Variants in LY9 observed in about 807,000 individuals in gnomAD.
The protein encoded by LY9 is T-lymphocyte surface antigen Ly-9.
Under a neutral mutation model 64.6 loss-of-function variants are expected in LY9, and 59 were observed. The ratio of observed to expected loss-of-function variants is 0.91; its 90% CI spans 0.74 to 1.13. The LOEUF (loss-of-function observed/expected upper bound fraction) is 1.13. Among genes scored for constraint, LY9 ranks in the 50% most tolerant of loss-of-function variants. The pLI is 0.00. For synonymous variants in LY9, 281 were observed against 308.5 expected (o/e 0.91, Z 0.93); for missense variants, 789 against 797.2 (o/e 0.99, Z 0.12).
chr1:160,801,986 GA>G, intron 2 of LY9: 1 of 1,570,072 alleles, frequency 6.4e-7, no homozygotes, highest in Non-Finnish European at 8.6e-7. Context: ...AGCAGAGCTG[GA>G]AGGGTCCTGC....
chr1:160,804,890 T>C (rs1666830177), intron 2 of LY9, among the ~76,000 whole-genome samples: 1 of 152,200 alleles, frequency 6.6e-6, no homozygotes, highest in South Asian at 2.1e-4. Flanking sequence ...TTGTTCATAA[T>C]AGTCTCTGAC....
rs1274599791 is a variant in LY9, at chr1:160,800,080, A to G, written c.452A>G (p.Tyr151Cys). Reference protein sequence around the residue: ...TTEEEFTLFVYEQLQEPQVTM... With the variant: ...TTEEEFTLFVCEQLQEPQVTM... ...GAGGAGGAATTCACCCTGTTCGTCTATGGTGAGTTCCAGAGAGCTTCTGTG... is the reference window on the plus strand; with the variant it reads ...GAGGAGGAATTCACCCTGTTCGTCTGTGGTGAGTTCCAGAGAGCTTCTGTG... The change falls in exon 2 of 10, where the codon TAT becomes TGT. Residue 151 changes from tyrosine to cysteine, a missense_variant and splice_region_variant. By Grantham distance (194) the Tyr-to-Cys change is radical. Transcript: ENST00000263285. The G allele has an allele frequency of 4.4e-6, 7 of 1,608,964 alleles. No individual in the cohort carries two copies. Among genetic ancestry groups the G allele is most frequent in the South Asian group, 2.2e-5 (2 of 90,648 alleles).
At chr1:160,809,236 C>T (rs1033781431) in intron 2 of LY9, among the ~76,000 whole-genome samples, 1 of 151,212 alleles carries the variant, frequency 6.6e-6, no homozygotes, top group Non-Finnish European at 1.5e-5. Context: ...CCTAGGCTTG[C>T]CTCCAATTCC....
rs777206997 is a variant in LY9, at chr1:160,799,906, A to G, written c.278A>G (p.Lys93Arg). The G allele has an allele frequency of 1.2e-5, 20 of 1,614,160 alleles. No homozygotes were observed. The highest frequency in any genetic ancestry group is 1.5e-5 in the Non-Finnish European group (18 of 1,180,022). ...PKNALAFARPKENVTIMVKSY... is the reference protein window; with the variant it reads ...PKNALAFARPRENVTIMVKSY... ...AATGCTCTTGCTTTCGCACGTCCCA[A>G]AGAAAATGTAACCATTATGGTCAAA... Residue 93 changes from lysine (K) to arginine (R), a missense_variant, in exon 2 of 10, where the codon AAA becomes AGA. Transcript: ENST00000263285.
intron 6 of LY9, among the ~76,000 whole-genome samples, chr1:160,818,895 C>T (rs1376455602): frequency 6.6e-6 from 1 of 152,168 alleles, no homozygotes; most frequent in African/African-American, 2.4e-5. Context: ...GTGGCTGCTG[C>T]TTGGACCAAT....
In LY9 at chr1:160,802,061, G is replaced by A. The variant is rs527427522; in HGVS notation, c.454+1979G>A. On this transcript the variant is annotated intron_variant, in intron 2 of 9. Transcript: ENST00000263285. ...AGGCTGCTAGACGTGGGCGTTAGGC[G>A]TGTCCCACCCACCCGCCGCCTCCCA... is the stretch of plus-strand genomic sequence containing the variant. 26 of 1,402,866 alleles carry A rather than the reference G, an allele frequency of 1.9e-5. No individual in the cohort carries two copies. The African/African-American group carries it at 3.2e-4, about 17-fold the overall frequency. The allele number at this position is 1,402,866 out of a possible 1,614,324, so 86.9% of individuals were successfully genotyped here. A position where few individuals can be genotyped will look rare whatever the true frequency, so the allele number is the denominator to read the frequency against.
chr1:160,826,893 A>G (rs377552324), intron 9 of LY9, among the ~76,000 whole-genome samples: 6 of 152,294 alleles, frequency 3.9e-5, no homozygotes, highest in African/African-American at 1.2e-4. Context: ...GTTTGGGTCA[A>G]TACCGGTCAA....
chr1:160,824,464 A>G (rs1668733802), intron 9 of LY9: 3 of 985,076 alleles, frequency 3.0e-6, no homozygotes, highest in Non-Finnish European at 3.6e-6. Flanking sequence ...AATTGATTTA[A>G]TAATATCTTA....
At chr1:160,825,780 G>A (rs1189156874) in intron 9 of LY9, among the ~76,000 whole-genome samples, 11 of 152,136 alleles carry the variant, frequency 7.2e-5, no homozygotes, top group Non-Finnish European at 1.5e-4. Flanking sequence ...TGTGGTGGCA[G>A]GCACCTGTAA....
rs1298394000 is a variant in LY9 at position 160,799,774 on chromosome 1, A to G, written c.146A>G (p.Asp49Gly). 1.2e-6 allele frequency: 2 copies of G among 1,613,342 alleles called. No homozygotes were observed. The highest frequency in any genetic ancestry group is 2.7e-5 in the African/African-American group (2 of 75,004). Residue 49 changes from aspartate to glycine, a missense_variant, in exon 2 of 10, where the codon GAC (aspartate) becomes GGC (glycine). By Grantham distance (94) the Asp-to-Gly change is moderately conservative. Coordinates refer to ENST00000263285, the MANE Select transcript of LY9 (RefSeq NM_002348.4). ...GCAGGACTAAGAGCCTCTGGAAAGG[A>G]CTCAGCCCCAACAGTGGTGTCAGGG... ...LLMGLRASGK[D>G]SAPTVVSGIL...
intron 8 of LY9, 113 bp from the exon 9 acceptor site, chr1:160,824,068 C>T (rs1668694640): frequency 7.4e-7 from 1 of 1,347,102 alleles, no homozygotes; most frequent in Non-Finnish European, 1.0e-6. Flanking sequence ...GCAGCTCCCA[C>T]CCTGTGTGTG....
At chr1:160,824,795 T>C (rs505728) in intron 9 of LY9, 118,048 of 256,490 alleles carry the variant, frequency 0.46, 29,295 homozygotes, top group East Asian at 0.7. Flanking sequence ...CTGGCTAACA[T>C]GGTGAAACTC....
At position 160,796,209 on chromosome 1, in the gene LY9, A is replaced by C; in HGVS notation, c.22A>C (p.Thr8Pro). The C allele has an allele frequency of 6.2e-7, 1 of 1,614,158 alleles. No individual in the cohort carries two copies. Among genetic ancestry groups the C allele is most frequent in the Non-Finnish European group, 8.5e-7 (1 of 1,180,020 alleles). Residue 8 changes from threonine (T) to proline (P), a missense_variant, in exon 1 of 10, where the codon ACA (threonine) becomes CCA (proline). Thr to Pro is a conservative substitution (Grantham distance 38, BLOSUM62 -1). Coordinates refer to ENST00000263285, the MANE Select transcript of LY9 (RefSeq NM_002348.4). ...CATCATGGTGGCACCAAAGAGTCAC[A>C]CAGATGACTGGGCTCCTGGGCCTTT... MVAPKSH[T>P]DDWAPGPFSS...
intron 7 of LY9, among the ~76,000 whole-genome samples, chr1:160,821,133 A>C (rs1262803005): frequency 8.7e-6 from 1 of 115,564 alleles, no homozygotes; most frequent in Non-Finnish European, 1.8e-5. Context: ...AACCTGGGCA[A>C]AAAAAGTGAA....
chr1:160,827,491 T>A (rs901369692), intron 9 of LY9, among the ~76,000 whole-genome samples: 1 of 152,260 alleles, frequency 6.6e-6, no homozygotes, highest in African/African-American at 2.4e-5. Context: ...CATTGTCATT[T>A]TTTTATCCCC....
At chr1:160,824,573 A>G in intron 9 of LY9, 1 of 984,908 alleles carries the variant, frequency 1.0e-6, no homozygotes, top group Non-Finnish European at 1.2e-6. Flanking sequence ...CCTAATCCTA[A>G]TCTACCTAAA....
rs1348624519 is a variant in LY9, at chr1:160,813,784, C to A, written c.603C>A (p.Ser201=). ...WTPREPHASE[S]NGGSILTVSR... ...CAAGGGAACCCCATGCTTCTGAGTC[C>A]AATGGAGGCTCCATTCTTACCGTCT... is the stretch of plus-strand genomic sequence containing the variant. The change falls in exon 3 of 10, where the codon TCC becomes TCA. Residue 201 remains serine (S), a synonymous_variant. Transcript: ENST00000263285. 1 of 1,614,142 alleles carries A rather than the reference C, an allele frequency of 6.2e-7. No homozygotes were observed. The highest frequency in any genetic ancestry group is 1.7e-5 in the Admixed American group (1 of 60,014).
intron 2 of LY9, chr1:160,802,153 C>G: frequency 2.3e-6 from 3 of 1,292,520 alleles, no homozygotes; most frequent in Non-Finnish European, 2.9e-6. Flanking sequence ...CGCTGACGCC[C>G]GCAGGAACCG....
At chr1:160,821,165 A>AAAAC (rs1553192082) in intron 7 of LY9, among the ~76,000 whole-genome samples, 1 of 150,090 alleles carries the variant, frequency 6.7e-6, no homozygotes, top group African/African-American at 2.5e-5. Flanking sequence ...AAAAAAAAAA[A>AAAAC]AAAACCATAT....
Sources: gnomAD v4.1 joint callset for allele counts (sites outside exome capture counted in the v4.1 genomes callset) on GRCh38, gnomAD v4.1.1 for gene constraint, MANE v1.5 for transcripts, NCBI Gene and HGNC (gene_info 2026-07-23, HGNC 2026-07-21) for gene names.